The following ABCC2 variants were observed in gnomAD, a reference collection of about 807,000 sequenced individuals.
The protein encoded by ABCC2 is ATP binding cassette subfamily C member 2, also known as ATP-binding cassette sub-family C member 2.
In ABCC2, 157 loss-of-function variants were observed where a neutral mutation model predicts 173.4. That is an observed-to-expected ratio of 0.91 (90% confidence interval 0.80 to 1.03). ABCC2 has a LOEUF of 1.03. ABCC2 is among the 50% of genes least tolerant of loss of function. The pLI, the probability that ABCC2 is intolerant of heterozygous loss-of-function variation, is 0.00. For synonymous variants in ABCC2, 657 were observed against 693.5 expected (o/e 0.95, Z 0.83); for missense variants, 1,822 against 1,852.3 (o/e 0.98, Z 0.30).
Position 99,793,614 on chromosome 10 carries a change from TC to T in ABCC2, c.400del (p.Leu134TyrfsTer17). 1.2e-6 allele frequency: 2 copies of T among 1,614,140 alleles called. No homozygotes were observed. The highest frequency in any genetic ancestry group is 1.7e-6 in the Non-Finnish European group (2 of 1,180,004). On this transcript the variant is annotated frameshift_variant, in exon 4 of 32. Transcript: ENST00000647814. LOFTEE classifies it high-confidence loss of function. ...WCVQKNSWFL[S>X]LFWILSILCG... ...TGTACAGAAAAACTCCTGGTTCCTG[TC>T]CCTATTCTGGATTCTCTCGATACTC...
intron 26 of ABCC2, 77 bp downstream of exon 26, chr10:99,842,170 T>C: frequency 6.3e-7 from 1 of 1,596,354 alleles, no homozygotes; most frequent in South Asian, 1.1e-5. Flanking sequence ...CTGTGGAGTC[T>C]GTGCTCTTGA....
intron 30 of ABCC2, among the ~76,000 whole-genome samples, chr10:99,847,659 G>A (rs1269519759): frequency 1.3e-5 from 2 of 150,820 alleles, no homozygotes; most frequent in African/African-American, 2.4e-5. Context: ...AGTGGCTCAC[G>A]CCTGTAATCC....
chr10:99,792,152 T>C, intron 2 of ABCC2, 82 bp from the exon 3 acceptor site: 2 of 1,573,790 alleles, frequency 1.3e-6, no homozygotes, highest in Middle Eastern at 3.7e-4. Flanking sequence ...CCGCTTTTCC[T>C]ATCCATCACC....
Position 99,795,730 on chromosome 10 carries a change from A to AGAAG in ABCC2, c.632+1265_632+1266insGGAA, listed in dbSNP as rs1564672257. Among the ~76,000 whole-genome samples, 339 of 140,046 alleles carry AGAAG rather than the reference A, an allele frequency of 2.4e-3. 2 individuals are homozygous for AGAAG. The highest frequency in any genetic ancestry group is 8.6e-3 in the African/African-American group (316 of 36,722). 91.9% of individuals were successfully genotyped at this position (140,046 alleles called of 152,430 possible). A position where few individuals can be genotyped will look rare whatever the true frequency, so the allele number is the denominator to read the frequency against. On this transcript the variant is annotated intron_variant, in intron 6 of 31. Transcript: ENST00000647814. ...AGAGAGAGAGAGAGAGAAGAAAGAA[A>AGAAG]GAAAGAAGGAAAGAAAGAAAGAAAG...
chr10:99,825,338 G>C (rs996742805), intron 19 of ABCC2, among the ~76,000 whole-genome samples: 1 of 152,122 alleles, frequency 6.6e-6, no homozygotes, highest in Non-Finnish European at 1.5e-5. Flanking sequence ...TCCTGTAACA[G>C]CCTTTTGTTT....
chr10:99,798,936 G>A (rs1436829034), intron 7 of ABCC2, among the ~76,000 whole-genome samples: 1 of 152,086 alleles, frequency 6.6e-6, no homozygotes, highest in East Asian at 1.9e-4. Context: ...TGCCCCTCAG[G>A]CCCCCACGCA....
At chr10:99,835,393 G>C (rs2133122730) in intron 24 of ABCC2, among the ~76,000 whole-genome samples, 1 of 151,978 alleles carries the variant, frequency 6.6e-6, no homozygotes, top group Admixed American at 6.6e-5. Flanking sequence ...ATAACATTTT[G>C]CATCCCGTCT....
intron 24 of ABCC2, among the ~76,000 whole-genome samples, chr10:99,835,555 G>C (rs1179697308): frequency 6.6e-6 from 1 of 151,864 alleles, no homozygotes; most frequent in Non-Finnish European, 1.5e-5. Flanking sequence ...TCAGCACTCT[G>C]CATACCTCCA....
Position 99,830,351 on chromosome 10 carries a change from T to C in ABCC2, c.2665T>C (p.Ser889Pro), listed in dbSNP as rs1307273670. The change falls in exon 20 of 32, where the codon TCC becomes CCC. Residue 889 changes from serine (S) to proline (P), a missense_variant. By Grantham distance (74) the Ser-to-Pro change is moderately conservative. Coordinates refer to ENST00000647814, the MANE Select transcript of ABCC2 (RefSeq NM_000392.5). ...AGAAGACGATGACTATGGGCTGATA[T>C]CCAGTGTGGAAGAGATCCCCGAAGA... ...EEEDDDYGLI[S>P]SVEEIPEDAA... 15 of 1,614,134 alleles carry C rather than the reference T, an allele frequency of 9.3e-6. 1 individual carries two copies. The South Asian group carries it at 1.5e-4, about 17-fold the overall frequency.
rs200839258 is a variant in ABCC2, at chr10:99,814,507, G to GTA, written c.2094+1365_2094+1366dup. 4.9e-4 allele frequency among the ~76,000 whole-genome samples: 44 copies of GTA among 89,446 alleles called. 15 individuals carry two copies. Among genetic ancestry groups the GTA allele is most frequent in the East Asian group, 1.3e-3 (2 of 1,526 alleles). 58.7% of individuals were successfully genotyped at this position (89,446 alleles called of 152,430 possible). ...CATACACACAAACATATATGTGTGT[G>GTA]TATGTGTATATATACATATATATAC... On this transcript the variant is annotated intron_variant, in intron 16 of 31. Transcript: ENST00000647814.
chr10:99,803,401 C>A (rs1400874211), intron 9 of ABCC2, among the ~76,000 whole-genome samples: 1 of 152,142 alleles, frequency 6.6e-6, no homozygotes, highest in African/African-American at 2.4e-5. Context: ...ACATCAAAAG[C>A]CTCTGAGGTC....
In ABCC2 at chr10:99,797,351, CTGTG is replaced by C; in HGVS notation, c.867+23_867+26del. 6.3e-7 allele frequency: 1 copy of C among 1,599,354 alleles called. No individual in the cohort carries two copies. On this transcript the variant is annotated intron_variant, in intron 7 of 31. Transcript: ENST00000647814. The stretch of plus-strand genomic sequence containing the variant: ...GTCCTGGTAACTTTCCCTTGAGTGT[CTGTG>C]TGAGCGCGCTGCATGTTTCAGGCAA...
chr10:99,844,562 G>A (rs2038990516), intron 28 of ABCC2, 97 bp downstream of exon 28: 2 of 1,506,790 alleles, frequency 1.3e-6, no homozygotes, highest in African/African-American at 2.7e-5. Flanking sequence ...TTCATCATTT[G>A]GATGGAGGGA....
Position 99,845,774 on chromosome 10 carries a change from A to G in ABCC2, c.4138A>G (p.Ile1380Val). 25 of 1,611,734 alleles carry G rather than the reference A, an allele frequency of 1.6e-5. No individual in the cohort carries two copies. The highest frequency in any genetic ancestry group is 2.1e-5 in the Non-Finnish European group (25 of 1,179,320). ...LHDLREKLTI[I>V]PQDPILFSGS... Reference sequence around the variant, plus strand: ...CGACCTCCGAGAGAAGCTGACCATCATCCCCCAGGTGAGCTCTAGAACTTA... The same window carrying G: ...CGACCTCCGAGAGAAGCTGACCATCGTCCCCCAGGTGAGCTCTAGAACTTA... Residue 1380 changes from isoleucine to valine, a missense_variant, in exon 29 of 32, where the codon ATC becomes GTC. Physicochemically the swap from Ile to Val is conservative, Grantham distance 29 (BLOSUM62 3). Transcript: ENST00000647814.
intron 19 of ABCC2, among the ~76,000 whole-genome samples, chr10:99,822,034 C>T (rs1025993313): frequency 1.8e-4 from 27 of 152,116 alleles, no homozygotes; most frequent in Non-Finnish European, 3.1e-4. Context: ...TATCATCATC[C>T]CTTCTTCCTC....
At chr10:99,817,805 A>G (rs1451891394) in intron 17 of ABCC2, among the ~76,000 whole-genome samples, 2 of 152,218 alleles carry the variant, frequency 1.3e-5, no homozygotes, top group African/African-American at 2.4e-5. Context: ...GTGGGACCAG[A>G]GCCTAGGTGT....
At chr10:99,816,825 T>TC (rs1273382211) in intron 16 of ABCC2, among the ~76,000 whole-genome samples, 1 of 152,102 alleles carries the variant, frequency 6.6e-6, no homozygotes, top group African/African-American at 2.4e-5. Context: ...CTAGGTTGCA[T>TC]CTACTGCCTG....
Position 99,834,534 on chromosome 10 carries a change from A to G in ABCC2, c.3413A>G (p.Gln1138Arg). 2 of 1,614,104 alleles carry G rather than the reference A, an allele frequency of 1.2e-6. No homozygotes were observed. The highest frequency in any genetic ancestry group is 1.7e-6 in the Non-Finnish European group (2 of 1,180,000). Residue 1138 changes from glutamine to arginine, a missense_variant and splice_region_variant, in exon 24 of 32, where the codon CAG becomes CGG. Coordinates refer to ENST00000647814, the MANE Select transcript of ABCC2 (RefSeq NM_000392.5). ...CTTGGCATTATTTATGTATCTGTTC[A>G]GGTAGGTTTGGAAATGGCTAAGTCA... is the stretch of plus-strand genomic sequence containing the variant. ...IPLGIIYVSV[Q>R]MFYVSTSRQL...
intron 19 of ABCC2, among the ~76,000 whole-genome samples, chr10:99,823,381 G>A (rs902458863): frequency 2.0e-5 from 3 of 151,968 alleles, no homozygotes; most frequent in African/African-American, 7.3e-5. Flanking sequence ...ATATAAAATG[G>A]GAAATTTCTT....
Sources: gnomAD v4.1 joint callset for allele counts (sites outside exome capture counted in the v4.1 genomes callset) on GRCh38, gnomAD v4.1.1 for gene constraint, MANE v1.5 for transcripts, NCBI Gene and HGNC (gene_info 2026-07-23, HGNC 2026-07-21) for gene names.